The following TENM4 variants were observed in gnomAD, a reference collection of about 807,000 sequenced individuals.
The protein encoded by TENM4 is teneurin-4.
A neutral mutation model predicts 243.3 loss-of-function variants in TENM4; 82 were observed. That is an observed-to-expected ratio of 0.34 (90% CI 0.28 to 0.40). The LOEUF (loss-of-function observed/expected upper bound fraction) is 0.40, where lower values mean the gene tolerates loss of function less well. TENM4 is among the 10% of genes least tolerant of loss of function. The pLI is 1.00. For synonymous variants in TENM4, 1,412 were observed against 1,456.3 expected (o/e 0.97, Z 0.69); for missense variants, 3,138 against 3,673.3 (o/e 0.85, Z 3.77).
intron 1 of TENM4, among the ~76,000 whole-genome samples, chr11:79,415,988 G>C (rs1220192263): frequency 6.6e-6 from 1 of 151,622 alleles, no homozygotes. Context: ...GAATCATACA[G>C]TATACATGCT....
chr11:78,686,774 T>TC (rs1858686063), intron 29 of TENM4, among the ~76,000 whole-genome samples: 1 of 152,220 alleles, frequency 6.6e-6, no homozygotes, highest in South Asian at 2.1e-4. Flanking sequence ...TGAGTTTTCC[T>TC]CAAAAACCAC....
chr11:79,204,719 G>A (rs1863814385), intron 3 of TENM4, among the ~76,000 whole-genome samples: 1 of 152,168 alleles, frequency 6.6e-6, no homozygotes, highest in African/African-American at 2.4e-5. Flanking sequence ...CTGTGTCCTA[G>A]CCATCCTATG....
chr11:79,350,603 CT>C (rs71050219), intron 1 of TENM4, among the ~76,000 whole-genome samples: 2 of 143,676 alleles, frequency 1.4e-5, no homozygotes, highest in Admixed American at 6.9e-5. Context: ...CTAATTTTTT[CT>C]TTTTTTTTTT....
chr11:79,109,947 T>C (rs116955776), intron 4 of TENM4, among the ~76,000 whole-genome samples: 2 of 152,372 alleles, frequency 1.3e-5, no homozygotes, highest in East Asian at 1.9e-4. Context: ...TGAATGCTAA[T>C]GCAGCTATTG....
intron 20 of TENM4, among the ~76,000 whole-genome samples, chr11:78,733,890 A>G (rs1394375992): frequency 6.6e-6 from 1 of 152,188 alleles, no homozygotes; most frequent in Non-Finnish European, 1.5e-5. Flanking sequence ...CCTATCATGC[A>G]ATAAGACATA....
At chr11:79,157,657 C>A (rs963060078) in intron 3 of TENM4, among the ~76,000 whole-genome samples, 5 of 152,172 alleles carry the variant, frequency 3.3e-5, no homozygotes, top group African/African-American at 9.7e-5. Flanking sequence ...CCTGGAACAT[C>A]CTATCTACTG....
At position 78,759,725 on chromosome 11, in the gene TENM4, C is replaced by T. The variant is rs574113437; in HGVS notation, c.2540-2704G>A. Among the ~76,000 whole-genome samples the T allele has an allele frequency of 7.2e-5, 11 of 152,238 alleles. No individual in the cohort carries two copies. The South Asian group carries it at 2.1e-3, about 29-fold the overall frequency. On this transcript the variant is annotated intron_variant, in intron 18 of 33. Transcript: ENST00000278550. ...CATTTATTGAGTGCCAGGCATTCTG[C>T]TAAATATATTACAAGGAATGCATCA...
chr11:79,041,774 G>A (rs973674609), intron 6 of TENM4, among the ~76,000 whole-genome samples: 4 of 152,194 alleles, frequency 2.6e-5, no homozygotes, highest in African/African-American at 9.7e-5. Context: ...GAAAATGAAA[G>A]TACTATTTAT....
At chr11:79,379,951 T>C (rs1453629959) in intron 1 of TENM4, among the ~76,000 whole-genome samples, 1 of 152,164 alleles carries the variant, frequency 6.6e-6, no homozygotes. Flanking sequence ...AGAGCTCTGC[T>C]TTAGACATGT....
chr11:79,096,799 A>G (rs1368788668), intron 4 of TENM4: 1 of 152,620 alleles, frequency 6.6e-6, no homozygotes, highest in East Asian at 1.9e-4. Context: ...TAGTCTCAGC[A>G]ACTTATAGAC....
chr11:78,856,025 A>C lies in TENM4; in HGVS notation c.1409T>G (p.Leu470Arg). The change falls in exon 11 of 34, where the codon CTG becomes CGG. Residue 470 changes from leucine to arginine, a missense_variant. By Grantham distance (102) the Leu-to-Arg change is moderately radical. Around this residue, in one of 2 missense-constraint regions of TENM4, gnomAD observed 2,467 missense variants for 3,059.1 expected, o/e 0.81. Transcript: ENST00000278550. ...HPVHLKFNVSLGKAALVGIYG... is the reference protein window; with the variant it reads ...HPVHLKFNVSRGKAALVGIYG... ...AATGCCAACCAGGGCTGCCTTTCCCAGAGACACATTGAATTTCAGATGCAC... is the reference window on the plus strand; with the variant it reads ...AATGCCAACCAGGGCTGCCTTTCCCCGAGACACATTGAATTTCAGATGCAC... 1.9e-6 allele frequency: 3 copies of C among 1,551,778 alleles called. No individual in the cohort carries two copies. The highest frequency in any genetic ancestry group is 2.6e-6 in the Non-Finnish European group (3 of 1,147,006).
At chr11:78,761,721 T>C (rs1856434960) in intron 18 of TENM4, among the ~76,000 whole-genome samples, 1 of 152,208 alleles carries the variant, frequency 6.6e-6, no homozygotes, top group Admixed American at 6.5e-5. Flanking sequence ...CGACAAGCCA[T>C]GGCAGAGAAA....
intron 6 of TENM4, among the ~76,000 whole-genome samples, chr11:78,950,740 A>G (rs1857093704): frequency 6.6e-6 from 1 of 152,246 alleles, no homozygotes; most frequent in South Asian, 2.1e-4. Context: ...CCAATGATGT[A>G]GGTATTATTA....
rs146510897 is a variant in TENM4 at position 79,235,252 on chromosome 11, G to T, written c.-264-19343C>A. 2.5e-3 allele frequency among the ~76,000 whole-genome samples: 385 copies of T among 152,240 alleles called. 15 individuals are homozygous for T. The East Asian group carries it at 0.069, about 27-fold the overall frequency. On this transcript the variant is annotated intron_variant, in intron 2 of 33. Transcript: ENST00000278550. ...CGCTTGAACCTGGGAGGCAGAGGTTGCAGTGAGCCAAGATATCGCGCCACT... is the reference window on the plus strand; with the variant it reads ...CGCTTGAACCTGGGAGGCAGAGGTTTCAGTGAGCCAAGATATCGCGCCACT...
chr11:78,967,141 A>G (rs986834746), intron 6 of TENM4, among the ~76,000 whole-genome samples: 4 of 151,968 alleles, frequency 2.6e-5, no homozygotes, highest in African/African-American at 9.7e-5. Context: ...TCAAGCCTGC[A>G]TTTGGCACCC....
At chr11:79,261,185 C>T (rs550270480) in intron 2 of TENM4, among the ~76,000 whole-genome samples, 1 of 152,288 alleles carries the variant, frequency 6.6e-6, no homozygotes, top group South Asian at 2.1e-4. Flanking sequence ...GTGGAAAGTT[C>T]ACTGGGAAGT....
intron 15 of TENM4, among the ~76,000 whole-genome samples, chr11:78,792,737 C>T (rs1054782005): frequency 6.6e-5 from 10 of 152,180 alleles, no homozygotes; most frequent in Admixed American, 2.0e-4. Context: ...CTCAGTGCCA[C>T]GTTGTACACA....
At chr11:78,712,135 C>T (rs530000901) in intron 26 of TENM4, among the ~76,000 whole-genome samples, 1 of 152,138 alleles carries the variant, frequency 6.6e-6, no homozygotes, top group South Asian at 2.1e-4. Flanking sequence ...TGCTGGAAAA[C>T]TATATAGTCA....
intron 10 of TENM4, among the ~76,000 whole-genome samples, chr11:78,859,265 G>A (rs1190800220): frequency 6.6e-6 from 1 of 152,174 alleles, no homozygotes; most frequent in Non-Finnish European, 1.5e-5. Flanking sequence ...AAGGGCAACA[G>A]TCAGGGTCTC....
Sources: allele counts gnomAD v4.1 joint callset (sites outside exome capture counted in the v4.1 genomes callset), GRCh38; gene constraint gnomAD v4.1.1; regional missense constraint gnomAD v4.1.1; transcripts MANE v1.5; gene names NCBI Gene and HGNC (gene_info 2026-07-23, HGNC 2026-07-21).